The following RPS6KA2 variants were observed in gnomAD, a reference collection of about 807,000 sequenced individuals.
RPS6KA2 encodes ribosomal protein S6 kinase A2.
In RPS6KA2, 42 loss-of-function variants were observed where a neutral mutation model predicts 91.8. The ratio of observed to expected loss-of-function variants is 0.46; its 90% confidence interval spans 0.36 to 0.59. The LOEUF (loss-of-function observed/expected upper bound fraction) is 0.59. Among genes scored for constraint, RPS6KA2 ranks in the 20% least tolerant of loss-of-function variants. The pLI is 0.00. For missense variants in RPS6KA2, 798 were observed against 978.5 expected, an observed-to-expected ratio of 0.82 and a Z score of 2.46; for synonymous variants, 414 against 393.6, an observed-to-expected ratio of 1.05 and a Z score of -0.61.
At chr6:166,699,204 T>G (rs565240136) in intron 2 of RPS6KA2, among the ~76,000 whole-genome samples, 1 of 152,278 alleles carries the variant, frequency 6.6e-6, no homozygotes, top group Non-Finnish European at 1.5e-5. Context: ...GTCAGAAAAC[T>G]ACCTGAAGAG....
At chr6:166,458,365 T>C (rs963612968) in intron 12 of RPS6KA2, among the ~76,000 whole-genome samples, 5 of 152,218 alleles carry the variant, frequency 3.3e-5, no homozygotes, top group African/African-American at 1.2e-4. Flanking sequence ...TCTCTCTTTG[T>C]TGCCATCCAC....
rs149483598 is a variant in RPS6KA2 at position 166,737,810 on chromosome 6, C to T, written c.123+120390G>A. 1.3e-5 allele frequency among the ~76,000 whole-genome samples: 2 copies of T among 152,286 alleles called. No homozygotes were observed. The highest frequency in any genetic ancestry group is 3.9e-4 in the East Asian group (2 of 5,186). On this transcript the variant is annotated intron_variant, in intron 2 of 21. Coordinates refer to the RPS6KA2 transcript ENST00000503859. This position sits in a 1 kb window ranked among gnomAD's most constrained non-coding sequence, Gnocchi z 4.3. Reference sequence around the variant, plus strand: ...GACGAACTCTAAATTAAACTCAAATCCCTTTGGTTATTTTTAAATCTGTAT... The same window carrying T: ...GACGAACTCTAAATTAAACTCAAATTCCTTTGGTTATTTTTAAATCTGTAT...
chr6:166,720,187 ATTTTAGGTAATAAG>A (rs746565344), intron 2 of RPS6KA2, among the ~76,000 whole-genome samples: 6 of 152,210 alleles, frequency 3.9e-5, no homozygotes, highest in Non-Finnish European at 8.8e-5. Context: ...TTCCTATTTT[ATTTTAGGTAATAAG>A]TATTCAAATT....
intron 14 of RPS6KA2, among the ~76,000 whole-genome samples, chr6:166,436,335 C>A (rs1033953535): frequency 7.0e-6 from 1 of 143,696 alleles, no homozygotes; most frequent in African/African-American, 2.7e-5. Flanking sequence ...AAAAAAAAAA[C>A]CTCAGATGTC....
chr6:166,620,341 C>A (rs2128539793), intron 1 of RPS6KA2, among the ~76,000 whole-genome samples: 1 of 152,292 alleles, frequency 6.6e-6, no homozygotes, highest in East Asian at 1.9e-4. Flanking sequence ...AGAAACAATT[C>A]TTTTCTCTAA....
At chr6:166,787,026 TG>T (rs1778949620) in intron 2 of RPS6KA2, among the ~76,000 whole-genome samples, 1 of 152,212 alleles carries the variant, frequency 6.6e-6, no homozygotes, top group South Asian at 2.1e-4. Context: ...TGCCAATATG[TG>T]TATAGAAAAC....
intron 3 of RPS6KA2, among the ~76,000 whole-genome samples, chr6:166,511,791 T>C (rs1177534958): frequency 6.6e-6 from 1 of 151,948 alleles, no homozygotes; most frequent in Non-Finnish European, 1.5e-5. Context: ...AAAAAGAAAA[T>C]AGAAAATTAC....
At chr6:166,705,303 C>T (rs1021761041) in intron 2 of RPS6KA2, among the ~76,000 whole-genome samples, 3 of 152,212 alleles carry the variant, frequency 2.0e-5, no homozygotes, top group African/African-American at 4.8e-5. Context: ...TAGTGTTTCT[C>T]GAATGTGTCC....
At chr6:166,610,074 T>A (rs1786112471) in intron 1 of RPS6KA2, among the ~76,000 whole-genome samples, 1 of 152,196 alleles carries the variant, frequency 6.6e-6, no homozygotes, top group Non-Finnish European at 1.5e-5. Context: ...TAGTTCAACA[T>A]GAGATCTTTT....
chr6:166,808,235 C>A (rs1268442302), intron 2 of RPS6KA2, among the ~76,000 whole-genome samples: 1 of 152,212 alleles, frequency 6.6e-6, no homozygotes, highest in African/African-American at 2.4e-5. Flanking sequence ...TTGGCCTGGA[C>A]AGACCTTTCT....
intron 10 of RPS6KA2, among the ~76,000 whole-genome samples, chr6:166,473,742 C>A (rs151018785): frequency 5.3e-5 from 8 of 150,930 alleles, no homozygotes; most frequent in Admixed American, 5.3e-4. Flanking sequence ...AACCCATCTC[C>A]GACACTTCTG....
At chr6:166,777,276 G>A (rs1373463608) in intron 2 of RPS6KA2, among the ~76,000 whole-genome samples, 1 of 152,246 alleles carries the variant, frequency 6.6e-6, no homozygotes. Flanking sequence ...TGCCAGGCCT[G>A]TGCCTTCCAT....
intron 2 of RPS6KA2, among the ~76,000 whole-genome samples, chr6:166,837,026 G>A (rs977217800): frequency 1.5e-4 from 23 of 152,174 alleles, no homozygotes; most frequent in African/African-American, 4.8e-4. Context: ...TCCAGTACCC[G>A]CTGCACCCTC....
rs924129145 is a variant in RPS6KA2 at position 166,610,011 on chromosome 6, C to G, written c.99+16910G>C. On this transcript the variant is annotated intron_variant, in intron 1 of 20. Coordinates refer to ENST00000265678, the MANE Select transcript of RPS6KA2 (RefSeq NM_021135.6). ...TTTTCTAATCATTCCTACTCATTTT[C>G]TCATCTTGATTTTTTTCTCTCCTCC... Among the ~76,000 whole-genome samples, 3 of 152,142 alleles carry G rather than the reference C, an allele frequency of 2.0e-5. No homozygotes were observed. The South Asian group carries it at 6.2e-4, about 32-fold the overall frequency.
chr6:166,758,741 A>G (rs1445778616), intron 2 of RPS6KA2, among the ~76,000 whole-genome samples: 1 of 152,248 alleles, frequency 6.6e-6, no homozygotes, highest in African/African-American at 2.4e-5. Flanking sequence ...CAGGACTTGA[A>G]AAGAAGGAAG....
intron 2 of RPS6KA2, among the ~76,000 whole-genome samples, chr6:166,762,610 G>A (rs1336742443): frequency 6.6e-6 from 1 of 152,174 alleles, no homozygotes; most frequent in Non-Finnish European, 1.5e-5. Flanking sequence ...AACCTGCTGT[G>A]CACCACGGTC....
chr6:166,665,586 T>C lies in RPS6KA2; in HGVS notation c.124-126802A>G, dbSNP rs562945437. Among the ~76,000 whole-genome samples the C allele has an allele frequency of 6.6e-6, 1 of 152,258 alleles. No homozygotes were observed. Among genetic ancestry groups the C allele is most frequent in the African/African-American group, 2.4e-5 (1 of 41,550 alleles). On this transcript the variant is annotated intron_variant, in intron 2 of 21. Transcript: ENST00000503859. The surrounding 1 kb of genome is among the most constrained non-coding windows in gnomAD (Gnocchi z 4.5). ...AGCCAGGGCACAGATGCAAACTACT[T>C]TCAGAAACGTGTTCTCTTCTGAAAG...
At chr6:166,816,105 A>T (rs1165415583) in intron 2 of RPS6KA2, among the ~76,000 whole-genome samples, 2 of 152,228 alleles carry the variant, frequency 1.3e-5, no homozygotes, top group Non-Finnish European at 2.9e-5. Flanking sequence ...AAAAGCAGGT[A>T]AGATTAGGTT....
intron 3 of RPS6KA2, among the ~76,000 whole-genome samples, chr6:166,526,804 T>C (rs551066838): frequency 6.6e-6 from 1 of 152,386 alleles, no homozygotes; most frequent in Admixed American, 6.5e-5. Context: ...AGACAACAGC[T>C]AGCCCCAATC....
Sources: allele counts gnomAD v4.1 joint callset (sites outside exome capture counted in the v4.1 genomes callset), GRCh38; gene constraint gnomAD v4.1.1; non-coding constraint Gnocchi (gnomAD v3.1); transcripts MANE v1.5; gene names NCBI Gene and HGNC (gene_info 2026-07-23, HGNC 2026-07-21).